ABCA4: variants seen among roughly 807,000 people sequenced by gnomAD.
ABCA4 encodes ATP binding cassette subfamily A member 4, also known as retinal-specific phospholipid-transporting ATPase ABCA4.
In ABCA4, 196 loss-of-function variants were observed where a neutral mutation model predicts 263.7. The observed-to-expected ratio is 0.74, with a 90% CI of 0.66 to 0.84. ABCA4 has a LOEUF of 0.84. ABCA4 is among the 40% of genes least tolerant of loss of function. ABCA4 has a pLI of 0.00. For missense variants in ABCA4, 2,792 were observed against 2,855.1 expected (o/e 0.98, Z 0.50); for synonymous variants, 1,133 against 1,094.2 (o/e 1.04, Z -0.70).
chr1:94,115,464 A>C (rs767123356), intron 1 of ABCA4, among the ~76,000 whole-genome samples: 3 of 152,108 alleles, frequency 2.0e-5, no homozygotes, highest in African/African-American at 7.2e-5. Context: ...GGGACTGCTC[A>C]TTTTTCCTAC....
At chr1:94,117,029 T>C (rs1311319039) in intron 1 of ABCA4, among the ~76,000 whole-genome samples, 1 of 115,778 alleles carries the variant, frequency 8.6e-6, no homozygotes, top group African/African-American at 3.3e-5. Context: ...TTTCTTTCCT[T>C]TTCTTTCTTT....
intron 18 of ABCA4, 51 bp from the exon 19 acceptor site, chr1:94,047,144 G>A: frequency 6.3e-7 from 1 of 1,599,580 alleles, no homozygotes; most frequent in Non-Finnish European, 8.6e-7. Flanking sequence ...TAATTACATG[G>A]CCCCAGGGCT....
intron 36 of ABCA4, among the ~76,000 whole-genome samples, chr1:94,016,468 C>T (rs1439647895): frequency 6.6e-6 from 1 of 152,112 alleles, no homozygotes; most frequent in African/African-American, 2.4e-5. Flanking sequence ...CGAGGAGGAC[C>T]TGCATGCAGC....
intron 26 of ABCA4, among the ~76,000 whole-genome samples, chr1:94,032,957 A>C (rs1660245286): frequency 6.6e-6 from 1 of 152,234 alleles, no homozygotes; most frequent in Admixed American, 6.5e-5. Context: ...AAACAAATGA[A>C]AAATCAGAGT....
intron 6 of ABCA4, among the ~76,000 whole-genome samples, chr1:94,089,222 A>C (rs1358345400): frequency 1.3e-5 from 2 of 152,266 alleles, no homozygotes; most frequent in African/African-American, 4.8e-5. Flanking sequence ...TTGACTTTGA[A>C]CAACTTATTT....
chr1:94,092,196 G>A (rs143712331), intron 6 of ABCA4, among the ~76,000 whole-genome samples: 221 of 152,226 alleles, frequency 1.5e-3, no homozygotes, highest in African/African-American at 4.7e-3. Flanking sequence ...TGTCTTTTTG[G>A]GGCAGACATG....
intron 11 of ABCA4, among the ~76,000 whole-genome samples, chr1:94,077,012 C>G (rs1194244968): frequency 1.3e-5 from 2 of 152,212 alleles, no homozygotes; most frequent in Non-Finnish European, 2.9e-5. Flanking sequence ...GCCCTGGCTT[C>G]TCATCTGCAA....
At chr1:94,110,396 C>G (rs983571864) in intron 3 of ABCA4, among the ~76,000 whole-genome samples, 4 of 152,288 alleles carry the variant, frequency 2.6e-5, no homozygotes, top group African/African-American at 9.6e-5. Flanking sequence ...TCTTTTTAGT[C>G]TAAAAGCAGG....
rs146574396 is a variant in ABCA4, at chr1:94,066,262, G to C, written c.1555-2945C>G. ...AAAGGATTGACAGTGTGATGCTTGG[G>C]CCAGGGGGCTTCTGAACTGAACTGC... On this transcript the variant is annotated intron_variant, in intron 11 of 49. Coordinates refer to ENST00000370225, the MANE Select transcript of ABCA4 (RefSeq NM_000350.3). Among the ~76,000 whole-genome samples, 52 of 152,290 alleles carry C rather than the reference G, an allele frequency of 3.4e-4. No individual in the cohort carries two copies. In the East Asian group the frequency reaches 9.9e-3, roughly 29 times the overall value.
At chr1:94,008,325 G>T in intron 41 of ABCA4, 28 bp from the exon 42 acceptor site, 1 of 1,609,936 alleles carries the variant, frequency 6.2e-7, no homozygotes, top group Non-Finnish European at 8.5e-7. Flanking sequence ...ACCGGACTGA[G>T]AACTGAGACA....
chr1:94,032,879 C>T (rs1362619196), intron 26 of ABCA4, among the ~76,000 whole-genome samples: 1 of 152,192 alleles, frequency 6.6e-6, no homozygotes, highest in African/African-American at 2.4e-5. Flanking sequence ...GGAAGCGAGA[C>T]TTTAGCCTTT....
intron 1 of ABCA4, among the ~76,000 whole-genome samples, chr1:94,119,928 G>C (rs1228916269): frequency 6.6e-6 from 1 of 151,918 alleles, no homozygotes; most frequent in Admixed American, 6.6e-5. Context: ...CTTTCCTCCT[G>C]ATCTCTCCAG....
At chr1:94,008,043 AT>A (rs1323834447) in intron 42 of ABCA4, among the ~76,000 whole-genome samples, 191 bp downstream of exon 42, 1 of 152,370 alleles carries the variant, frequency 6.6e-6, no homozygotes, top group Non-Finnish European at 1.5e-5. Flanking sequence ...AAAATAAAAA[AT>A]ACTAATGAAA....
At chr1:94,085,195 T>C (rs994836156) in intron 6 of ABCA4, among the ~76,000 whole-genome samples, 3 of 152,144 alleles carry the variant, frequency 2.0e-5, no homozygotes, top group African/African-American at 4.8e-5. Flanking sequence ...GAAGTACATA[T>C]GGTGAAATGA....
At chr1:94,120,195 A>G (rs1662911238) in intron 1 of ABCA4, among the ~76,000 whole-genome samples, 1 of 152,172 alleles carries the variant, frequency 6.6e-6, no homozygotes, top group Admixed American at 6.5e-5. Context: ...CTTCTCATGG[A>G]CTATTCCACC....
Position 94,011,486 on chromosome 1 carries a change from G to A in ABCA4, c.5461-101C>T, listed in dbSNP as rs375165430. 131 of 1,579,924 alleles carry A rather than the reference G, an allele frequency of 8.3e-5. No homozygotes were observed. The African/African-American group carries it at 1.6e-3, about 19-fold the overall frequency. On this transcript the variant is annotated intron_variant, in intron 38 of 49. Coordinates refer to ENST00000370225, the MANE Select transcript of ABCA4 (RefSeq NM_000350.3). ...GCTCTCACAGGACAGCACAGGGCAA[G>A]GCCTGCAGACAGAGAGTCCTTGCAG...
At position 94,111,503 on chromosome 1, in the gene ABCA4, A is replaced by G. The variant is rs149381884; in HGVS notation, c.237T>C (p.Asn79=). 5.1e-4 allele frequency: 821 copies of G among 1,614,166 alleles called. 5 individuals are homozygous for G. In the African/African-American group the frequency reaches 0.01, roughly 20 times the overall value. ...CTGGGGTGGGGCTTTGAAAACAGGG[A>G]TTGTTCACATTGCAGAAGATCCCCT... ...WLQGIFCNVN[N]PCFQSPTPGE... is the part of the protein sequence containing the mutation. Residue 79 remains asparagine (N), a synonymous_variant, in exon 3 of 50, where the codon AAT becomes AAC. Coordinates refer to ENST00000370225, the MANE Select transcript of ABCA4 (RefSeq NM_000350.3).
intron 38 of ABCA4, among the ~76,000 whole-genome samples, chr1:94,012,632 G>T (rs1169574397): frequency 6.6e-6 from 1 of 152,130 alleles, no homozygotes; most frequent in Non-Finnish European, 1.5e-5. Flanking sequence ...GGCTGAAATT[G>T]AACTTCCTCC....
chr1:94,060,415 T>G (rs1430638279), intron 14 of ABCA4, 122 bp downstream of exon 14: 5 of 922,562 alleles, frequency 5.4e-6, no homozygotes, highest in Non-Finnish European at 7.0e-6. Flanking sequence ...AAGGAAGGGC[T>G]GGGAAGCTAG....
Sources: gnomAD v4.1 joint callset for allele counts (sites outside exome capture counted in the v4.1 genomes callset) on GRCh38, gnomAD v4.1.1 for gene constraint, MANE v1.5 for transcripts, NCBI Gene and HGNC (gene_info 2026-07-23, HGNC 2026-07-21) for gene names.